STXBP5L: variants seen among roughly 807,000 people sequenced by gnomAD.
STXBP5L encodes syntaxin-binding protein 5-like.
Under a neutral mutation model 144.5 loss-of-function variants are expected in STXBP5L, and 65 were observed. That is an observed-to-expected ratio of 0.45 (90% CI 0.37 to 0.55). STXBP5L has a LOEUF of 0.55. Among genes scored for constraint, STXBP5L ranks in the 20% least tolerant of loss-of-function variants. The pLI is 0.00. For synonymous variants in STXBP5L, 505 were observed against 469.6 expected (o/e 1.08, Z -0.97); for missense variants, 1,298 against 1,405.5 (o/e 0.92, Z 1.22).
intron 3 of STXBP5L, among the ~76,000 whole-genome samples, chr3:120,981,640 C>A (rs1408912565): frequency 6.6e-6 from 1 of 152,116 alleles, no homozygotes; most frequent in Non-Finnish European, 1.5e-5. Context: ...TCTTATTGAG[C>A]TTTCATACCA....
At chr3:121,189,745 T>A (rs1323699256) in intron 9 of STXBP5L, among the ~76,000 whole-genome samples, 5 of 151,956 alleles carry the variant, frequency 3.3e-5, no homozygotes, top group Non-Finnish European at 7.4e-5. Context: ...TAGTTTTTTT[T>A]GTTTGTTTGT....
intron 20 of STXBP5L, among the ~76,000 whole-genome samples, chr3:121,337,439 TA>T (rs59662899): frequency 0.018 from 1,258 of 71,068 alleles, 13 homozygotes; most frequent in African/African-American, 0.044. Context: ...GCAACAACAG[TA>T]AAAAAAAAAA....
chr3:120,975,903 C>G (rs1375432835), intron 3 of STXBP5L, among the ~76,000 whole-genome samples: 3 of 152,078 alleles, frequency 2.0e-5, no homozygotes, highest in Non-Finnish European at 1.5e-5. Context: ...CCCACTTGAT[C>G]ATGGTGGATA....
chr3:121,087,055 T>C (rs1007364706), intron 5 of STXBP5L, among the ~76,000 whole-genome samples: 6 of 152,116 alleles, frequency 3.9e-5, no homozygotes, highest in Admixed American at 3.3e-4. Context: ...ATATTTTATA[T>C]AACTTGAGTT....
chr3:121,355,818 T>A (rs1414160605), intron 20 of STXBP5L, among the ~76,000 whole-genome samples: 3 of 152,234 alleles, frequency 2.0e-5, no homozygotes, highest in African/African-American at 7.2e-5. Context: ...TCTTCATCTA[T>A]GTGGTCTTAT....
At chr3:120,971,340 T>G (rs1365829198) in intron 3 of STXBP5L, among the ~76,000 whole-genome samples, 3 of 151,990 alleles carry the variant, frequency 2.0e-5, no homozygotes, top group African/African-American at 7.2e-5. Context: ...GTGTACATTG[T>G]ACTCAGTAGG....
At chr3:121,351,308 G>A (rs1411789322) in intron 20 of STXBP5L, among the ~76,000 whole-genome samples, 2 of 152,126 alleles carry the variant, frequency 1.3e-5, no homozygotes, top group Non-Finnish European at 1.5e-5. Flanking sequence ...CTGCCTGATT[G>A]TTCCTCTGGA....
intron 20 of STXBP5L, among the ~76,000 whole-genome samples, chr3:121,322,553 C>T (rs1320692732): frequency 6.7e-6 from 1 of 149,004 alleles, no homozygotes; most frequent in African/African-American, 2.5e-5. Flanking sequence ...ACCACATTTT[C>T]TTTATCCAAT....
At chr3:120,999,330 C>A (rs1308212575) in intron 3 of STXBP5L, among the ~76,000 whole-genome samples, 3 of 152,046 alleles carry the variant, frequency 2.0e-5, no homozygotes, top group Non-Finnish European at 4.4e-5. Flanking sequence ...TGAGATTACA[C>A]CTTCCTTGTT....
chr3:120,943,707 A>T (rs1710688943), intron 2 of STXBP5L, among the ~76,000 whole-genome samples: 1 of 151,638 alleles, frequency 6.6e-6, no homozygotes, highest in Admixed American at 6.6e-5. Flanking sequence ...TTCCTGTGAA[A>T]TTACTACTAT....
intron 20 of STXBP5L, among the ~76,000 whole-genome samples, chr3:121,353,675 T>C (rs943083293): frequency 6.6e-6 from 1 of 152,202 alleles, no homozygotes; most frequent in African/African-American, 2.4e-5. Flanking sequence ...TTTGTGTCTT[T>C]ATCTCTTTCA....
chr3:121,029,010 C>G (rs1396400938), intron 3 of STXBP5L, among the ~76,000 whole-genome samples: 1 of 152,070 alleles, frequency 6.6e-6, no homozygotes, highest in South Asian at 2.1e-4. Context: ...CTACAAACTA[C>G]TGCTCAAGAA....
At chr3:120,945,792 T>A (rs1710822407) in intron 2 of STXBP5L, among the ~76,000 whole-genome samples, 1 of 151,846 alleles carries the variant, frequency 6.6e-6, no homozygotes, top group Non-Finnish European at 1.5e-5. Flanking sequence ...TGGGCAAGTG[T>A]TCTTTCAAGA....
chr3:121,101,682 A>G (rs2043434862), intron 5 of STXBP5L, among the ~76,000 whole-genome samples: 2 of 152,124 alleles, frequency 1.3e-5, no homozygotes, highest in Middle Eastern at 3.2e-3. Flanking sequence ...CGAGACAAGG[A>G]TGCTCACTCT....
intron 20 of STXBP5L, among the ~76,000 whole-genome samples, chr3:121,342,594 G>A (rs2108586467): frequency 6.7e-6 from 1 of 148,568 alleles, no homozygotes; most frequent in South Asian, 2.1e-4. Context: ...AGAATATGCA[G>A]TGTTTGGTTT....
chr3:121,059,757 C>A (rs1458351308), intron 5 of STXBP5L, among the ~76,000 whole-genome samples: 1 of 152,092 alleles, frequency 6.6e-6, no homozygotes, highest in South Asian at 2.1e-4. Context: ...GGAATTCACT[C>A]ATGATTTGGC....
chr3:121,291,807 G>T (rs1478232078), intron 19 of STXBP5L, among the ~76,000 whole-genome samples: 2 of 152,056 alleles, frequency 1.3e-5, no homozygotes, highest in African/African-American at 4.8e-5. Context: ...AGTGGGGAAA[G>T]GACACCCTAT....
intron 22 of STXBP5L, among the ~76,000 whole-genome samples, chr3:121,404,125 A>G (rs2046944687): frequency 6.6e-6 from 1 of 152,106 alleles, no homozygotes; most frequent in Non-Finnish European, 1.5e-5. Context: ...AACATGTTCA[A>G]ACCTGAGCTC....
At chr3:121,122,998 A>G (rs1478399671) in intron 7 of STXBP5L, among the ~76,000 whole-genome samples, 1 of 151,618 alleles carries the variant, frequency 6.6e-6, no homozygotes, top group East Asian at 1.9e-4. Context: ...GAAAATAGCA[A>G]TATAAACATA....
Sources: allele counts gnomAD v4.1 joint callset (sites outside exome capture counted in the v4.1 genomes callset), GRCh38; gene constraint gnomAD v4.1.1; transcripts MANE v1.5; gene names NCBI Gene and HGNC (gene_info 2026-07-23, HGNC 2026-07-21).